The following NDRG2 variants were observed in gnomAD, a reference collection of about 807,000 sequenced individuals.
NDRG2 encodes protein NDRG2.
A neutral mutation model predicts 58.2 loss-of-function variants in NDRG2; 34 were observed. The observed-to-expected ratio is 0.58, with a 90% CI of 0.44 to 0.78. The LOEUF (loss-of-function observed/expected upper bound fraction) is 0.78, where lower values mean the gene tolerates loss of function less well. Among genes scored for constraint, NDRG2 ranks in the 30% least tolerant of loss-of-function variants. The pLI is 0.00. For synonymous variants in NDRG2, 187 were observed against 175.9 expected (o/e 1.06, Z -0.50); for missense variants, 434 against 471.2 (o/e 0.92, Z 0.73).
chr14:21,025,458 T>G, upstream of NDRG2: 1 of 985,492 alleles, frequency 1.0e-6, no homozygotes, highest in Non-Finnish European at 1.2e-6. This position sits in a 1 kb window ranked among gnomAD's most constrained non-coding sequence, Gnocchi z 5.1. Flanking sequence ...GAACCGGTAG[T>G]GGGGAGACGA....
chr14:21,020,951 A>C, intron 6 of NDRG2, 107 bp from the exon 7 acceptor site: 1 of 1,247,838 alleles, frequency 8.0e-7, no homozygotes, highest in Non-Finnish European at 1.2e-6. Flanking sequence ...ACGGGCACAA[A>C]GAAAGGCAGA....
At chr14:21,039,170 C>T (rs183419989) in intron 1 of NDRG2, among the ~76,000 whole-genome samples, 86 of 152,252 alleles carry the variant, frequency 5.6e-4, no homozygotes, top group African/African-American at 1.9e-3. Flanking sequence ...CTCCCTTCCC[C>T]CTTCACTCCC....
Position 21,018,774 on chromosome 14 carries a change from C to G in NDRG2, c.802G>C (p.Glu268Gln), listed in dbSNP as rs1017051657. ...MLVVGDQAPH[E>Q]DAVVECNSKL... ...AATTCCCTACTAACCACTGCATCTT[C>G]ATGAGGTGCTTGGTCTCCTACCACC... is the stretch of plus-strand genomic sequence containing the variant. The change falls in exon 12 of 16, where the codon GAA (glutamate) becomes CAA (glutamine). Residue 268 changes from glutamate to glutamine, a missense_variant. Transcript: ENST00000556147. 1 of 1,614,208 alleles carries G rather than the reference C, an allele frequency of 6.2e-7. No individual in the cohort carries two copies. Among genetic ancestry groups the G allele is most frequent in the African/African-American group, 1.3e-5 (1 of 75,064 alleles).
upstream of NDRG2, chr14:21,030,289 A>C: frequency 2.8e-6 from 1 of 354,994 alleles, no homozygotes; most frequent in Non-Finnish European, 5.3e-6. Flanking sequence ...TCAGACCACC[A>C]TCCGGGTACT....
chr14:21,034,135 A>G (rs1423791934), intron 1 of NDRG2: 15 of 1,614,118 alleles, frequency 9.3e-6, no homozygotes, highest in Middle Eastern at 1.6e-4. Context: ...AGACCATTAC[A>G]ATAGCCCCGG....
chr14:21,029,199 A>T (rs1194106324), upstream of NDRG2: 1 of 152,214 alleles, frequency 6.6e-6, no homozygotes, highest in Non-Finnish European at 1.5e-5. Flanking sequence ...TCTCCATGCT[A>T]CACTTGAGCC....
intron 1 of NDRG2, among the ~76,000 whole-genome samples, chr14:21,041,588 C>A (rs1884897308): frequency 6.6e-6 from 1 of 152,136 alleles, no homozygotes; most frequent in South Asian, 2.1e-4. Flanking sequence ...CTGTAACCAC[C>A]ACAAGGAACA....
At chr14:21,048,351 A>T (rs367597336) in intron 1 of NDRG2, 1 of 152,216 alleles carries the variant, frequency 6.6e-6, no homozygotes, top group Non-Finnish European at 1.5e-5. Flanking sequence ...AGATCTTGTA[A>T]GAAGTCCACA....
In NDRG2 at chr14:21,022,116, C is replaced by T. The variant is rs140326965; in HGVS notation, c.290G>A (p.Arg97Gln). The change falls in exon 5 of 16, where the codon CGG (arginine) becomes CAG (glutamine). Residue 97 changes from arginine to glutamine, a missense_variant. Arg to Gln is a conservative substitution (Grantham distance 43, BLOSUM62 1). Transcript: ENST00000556147. The part of the protein sequence containing the change: ...DMQEIIQNFV[R>Q]VHVDAPGMEE... ...CATTCCAGGGGCATCCACATGAACC[C>T]GCACAAAGTTCTGAATGATTTCCTG... is the stretch of plus-strand genomic sequence containing the variant. The T allele has an allele frequency of 4.0e-4, 641 of 1,614,150 alleles. No homozygotes were observed. Among genetic ancestry groups the T allele is most frequent in the African/African-American group, 2.1e-3 (161 of 75,004 alleles).
At position 21,022,474 on chromosome 14, in the gene NDRG2, G is replaced by A. The variant is rs202036703; in HGVS notation, c.141C>T (p.Tyr47=). 4.6e-5 allele frequency: 74 copies of A among 1,613,874 alleles called. 1 individual carries two copies. The highest frequency in any genetic ancestry group is 3.3e-4 in the East Asian group (15 of 44,884). The change falls in exon 4 of 16, where the codon TAC becomes TAT. Residue 47 remains tyrosine, a synonymous_variant. Transcript: ENST00000556147. The part of the protein sequence containing the change: ...QGQTHSVETP[Y]GSVTFTVYGT... Reference sequence around the variant, plus strand: ...CATAGACAGTGAAAGTGACAGAGCCGTATGGTGTCTCCACAGAGTGAGTCT... The same window carrying A: ...CATAGACAGTGAAAGTGACAGAGCCATATGGTGTCTCCACAGAGTGAGTCT...
upstream of NDRG2, among the ~76,000 whole-genome samples, chr14:21,026,064 A>G (rs369913160): frequency 7.3e-5 from 11 of 151,524 alleles, no homozygotes; most frequent in East Asian, 1.4e-3. Flanking sequence ...CTGAATCGCA[A>G]TGCCCGGGGG....
chr14:21,065,261 A>G (rs540268329), intron 1 of NDRG2, among the ~76,000 whole-genome samples: 1 of 152,056 alleles, frequency 6.6e-6, no homozygotes, highest in African/African-American at 2.4e-5. Context: ...CAAACAAACA[A>G]AAAAAACCTC....
intron 1 of NDRG2, among the ~76,000 whole-genome samples, chr14:21,050,736 C>A (rs1002459360): frequency 6.6e-6 from 1 of 152,290 alleles, no homozygotes; most frequent in East Asian, 1.9e-4. Flanking sequence ...GGATCAATGT[C>A]AATTTCCCCT....
chr14:21,020,500 T>C lies in NDRG2; in HGVS notation c.551A>G (p.His184Arg), dbSNP rs2043200876. Residue 184 changes from histidine (H) to arginine (R), a missense_variant, in exon 8 of 16, where the codon CAC (histidine) becomes CGC (arginine). Physicochemically the swap from His to Arg is conservative, Grantham distance 29 (BLOSUM62 0). Transcript: ENST00000556147. ...NAKGWMDWAA[H>R]KLTGLTSSIP... ...AGCACACAGGCCCCTCCAAACCTTG[T>C]GGGCTGCCCAATCCATCCAACCCTT... is the stretch of plus-strand genomic sequence containing the variant. 8 of 1,613,262 alleles carry C rather than the reference T, an allele frequency of 5.0e-6. No homozygotes were observed. Among genetic ancestry groups the C allele is most frequent in the Non-Finnish European group, 6.8e-6 (8 of 1,179,644 alleles).
At chr14:21,048,827 C>T (rs1885329943) in intron 1 of NDRG2, among the ~76,000 whole-genome samples, 2 of 152,154 alleles carry the variant, frequency 1.3e-5, no homozygotes, top group African/African-American at 4.8e-5. Flanking sequence ...GGAGGCCAAA[C>T]TCCTCCTCAT....
chr14:21,020,693 C>T, intron 7 of NDRG2, 91 bp downstream of exon 7: 2 of 1,585,270 alleles, frequency 1.3e-6, no homozygotes, highest in South Asian at 1.1e-5. Context: ...CCACCTAGTG[C>T]CCACTTCCTC....
chr14:21,022,349 G>T, intron 4 of NDRG2, 43 bp downstream of exon 4: 2 of 1,584,750 alleles, frequency 1.3e-6, no homozygotes, highest in Non-Finnish European at 1.7e-6. Context: ...TTCCCCCACA[G>T]CCTCTTCCCA....
Position 21,068,174 on chromosome 14 carries a change from T to C in NDRG2, c.24+2654A>G, listed in dbSNP as rs1438859765. Among the ~76,000 whole-genome samples the C allele has an allele frequency of 6.1e-5, 3 of 48,952 alleles. 1 individual carries two copies. The highest frequency in any genetic ancestry group is 1.3e-4 in the African/African-American group (3 of 22,554). 32.1% of individuals were successfully genotyped at this position (48,952 alleles called of 152,430 possible). A position where few individuals can be genotyped will look rare whatever the true frequency, so the allele number is the denominator to read the frequency against. On this transcript the variant is annotated intron_variant, in intron 1 of 14. Transcript: ENST00000403829. Reference sequence around the variant, plus strand: ...GCTACCACGCCCGGCTAATTTTTTGTATTTTTAGTAGAGACGGGGTTTCAC... The same window carrying C: ...GCTACCACGCCCGGCTAATTTTTTGCATTTTTAGTAGAGACGGGGTTTCAC...
chr14:21,018,606 C>A, intron 12 of NDRG2, 102 bp from the exon 13 acceptor site: 1 of 1,557,506 alleles, frequency 6.4e-7, no homozygotes, highest in Non-Finnish European at 8.7e-7. Flanking sequence ...TCTATCAGCT[C>A]CCTACCCAGT....
Sources: allele counts gnomAD v4.1 joint callset (sites outside exome capture counted in the v4.1 genomes callset), GRCh38; gene constraint gnomAD v4.1.1; non-coding constraint Gnocchi (gnomAD v3.1); transcripts MANE v1.5; gene names NCBI Gene and HGNC (gene_info 2026-07-23, HGNC 2026-07-21).